Variants in VCL observed in about 807,000 individuals in gnomAD.
The protein encoded by VCL is epididymis luminal protein 114.
A neutral mutation model predicts 125.7 loss-of-function variants in VCL; 47 were observed. The observed-to-expected ratio is 0.37, with a 90% CI of 0.30 to 0.48. The LOEUF (loss-of-function observed/expected upper bound fraction) is 0.48, where lower values mean the gene tolerates loss of function less well. Ranked by LOEUF, VCL falls within the 20% of genes least tolerant of loss-of-function variation. The probability of loss-of-function intolerance (pLI) is 0.99; values close to 1 mark genes in which losing one functional copy is unlikely to be tolerated. For missense variants in VCL, 1,069 were observed against 1,455.5 expected (o/e 0.73, Z 4.32); for synonymous variants, 458 against 514.6 (o/e 0.89, Z 1.49).
intron 2 of VCL, 52 bp from the exon 3 acceptor site, chr10:74,070,618 G>T (rs1841648672): frequency 6.2e-7 from 1 of 1,611,086 alleles, no homozygotes; most frequent in Non-Finnish European, 8.5e-7. Flanking sequence ...TTTGCATATG[G>T]TATTCTTCTG....
At chr10:74,032,254 A>G (rs1001959354) in intron 1 of VCL, among the ~76,000 whole-genome samples, 11 of 150,782 alleles carry the variant, frequency 7.3e-5, no homozygotes, top group Non-Finnish European at 1.0e-4. Context: ...AAAAAAAAAA[A>G]AAAAAAGAAA....
Position 74,105,315 on chromosome 10 carries a change from T to C in VCL, c.2396T>C (p.Met799Thr), listed in dbSNP as rs775881749. 1.9e-6 allele frequency: 3 copies of C among 1,612,696 alleles called. No homozygotes were observed. Among genetic ancestry groups the C allele is most frequent in the East Asian group, 2.2e-5 (1 of 44,882 alleles). Reference protein sequence around the residue: ...ELSKTISPMVMDAKAVAGNIS... With the variant: ...ELSKTISPMVTDAKAVAGNIS... The stretch of plus-strand genomic sequence containing the variant: ...AGCAAAACCATCTCCCCGATGGTGA[T>C]GGATGCAAAAGCTGTGGCTGGAAAC... Residue 799 changes from methionine (M) to threonine (T), a missense_variant, in exon 16 of 22, where the codon ATG becomes ACG. Met to Thr is a moderately conservative substitution (Grantham distance 81, BLOSUM62 -1). Around this residue, in one of 6 missense-constraint regions of VCL, gnomAD observed 760 missense variants for 928.9 expected, o/e 0.82. Transcript: ENST00000211998.
rs886047225 is a variant in VCL, at chr10:74,119,572, C to T, written c.*1403C>T. On this transcript the variant is annotated 3_prime_UTR_variant, in exon 22 of 22. Coordinates refer to ENST00000211998, the MANE Select transcript of VCL (RefSeq NM_014000.3). ...GTTTCCTTTTTGGTACTTATTACTG[C>T]TAAGTATTTCCCAGCACATGAAACC... 2.0e-5 allele frequency: 3 copies of T among 152,196 alleles called. No individual in the cohort carries two copies. The highest frequency in any genetic ancestry group is 2.9e-5 in the Non-Finnish European group (2 of 68,026). 9.4% of individuals were successfully genotyped at this position (152,196 alleles called of 1,614,324 possible).
chr10:74,051,361 C>G (rs1230033018), intron 2 of VCL, among the ~76,000 whole-genome samples: 1 of 152,066 alleles, frequency 6.6e-6, no homozygotes, highest in Non-Finnish European at 1.5e-5. Context: ...CTCAGCTTCC[C>G]GAGTAGCTGG....
chr10:74,118,401 T>G lies in VCL; in HGVS notation c.*232T>G. 1 of 577,500 alleles carries G rather than the reference T, an allele frequency of 1.7e-6. No individual in the cohort carries two copies. Among genetic ancestry groups the G allele is most frequent in the Non-Finnish European group, 3.1e-6 (1 of 324,574 alleles). The allele number at this position is 577,500 out of a possible 1,614,324, so 35.8% of individuals were successfully genotyped here. On this transcript the variant is annotated 3_prime_UTR_variant, in exon 22 of 22. Coordinates refer to ENST00000211998, the MANE Select transcript of VCL (RefSeq NM_014000.3). Reference sequence around the variant, plus strand: ...GTATTCTCAAACACAGTTACACTTGTGCACCCTCTATCCCAATAGGCAGAC... The same window carrying G: ...GTATTCTCAAACACAGTTACACTTGGGCACCCTCTATCCCAATAGGCAGAC...
intron 1 of VCL, among the ~76,000 whole-genome samples, chr10:74,023,571 C>G (rs953649885): frequency 6.6e-6 from 1 of 152,174 alleles, no homozygotes; most frequent in Non-Finnish European, 1.5e-5. Context: ...TTTTGCCTAA[C>G]TGGGAATAAG....
At chr10:74,113,539 A>G (rs1840263544) in intron 19 of VCL, among the ~76,000 whole-genome samples, 2 of 152,092 alleles carry the variant, frequency 1.3e-5, no homozygotes, top group Non-Finnish European at 2.9e-5. Flanking sequence ...AATAAGAGGC[A>G]GTAGAGGGAT....
At position 74,118,041 on chromosome 10, in the gene VCL, C is replaced by T; in HGVS notation, c.3277C>T (p.His1093Tyr). 6.2e-7 allele frequency: 1 copy of T among 1,614,144 alleles called. No homozygotes were observed. Among genetic ancestry groups the T allele is most frequent in the South Asian group, 1.1e-5 (1 of 91,076 alleles). Reference sequence around the variant, plus strand: ...CTTGCAGGCCACAGAGATGCTGGTTCACAATGCCCAGAACCTCATGCAGTC... The same window carrying T: ...CTTGCAGGCCACAGAGATGCTGGTTTACAATGCCCAGAACCTCATGCAGTC... The part of the protein sequence containing the change: ...ESEQATEMLV[H>Y]NAQNLMQSVK... Residue 1093 changes from histidine (H) to tyrosine (Y), a missense_variant, in exon 22 of 22, where the codon CAC becomes TAC. His to Tyr is a moderately conservative substitution (Grantham distance 83, BLOSUM62 2). Transcript: ENST00000211998.
intron 2 of VCL, among the ~76,000 whole-genome samples, chr10:74,062,367 ATTTTTTT>A (rs34306365): frequency 2.0e-4 from 23 of 113,946 alleles, no homozygotes; most frequent in Admixed American, 1.4e-3. Context: ...GCCTGGCCTG[ATTTTTTT>A]TTTTTTTTTT....
At chr10:73,999,438 TCC>T (rs1840184080) in intron 1 of VCL, among the ~76,000 whole-genome samples, 1 of 152,148 alleles carries the variant, frequency 6.6e-6, no homozygotes, top group Admixed American at 6.5e-5. Flanking sequence ...CTCCCAAGAC[TCC>T]CCTGGCTAAT....
chr10:74,084,353 G>T (rs1839733359), intron 8 of VCL, among the ~76,000 whole-genome samples: 1 of 151,952 alleles, frequency 6.6e-6, no homozygotes, highest in Non-Finnish European at 1.5e-5. Flanking sequence ...ATGCAGTGGT[G>T]CAATCTCGGC....
At chr10:74,067,579 G>A (rs1841592676) in intron 2 of VCL, among the ~76,000 whole-genome samples, 1 of 152,152 alleles carries the variant, frequency 6.6e-6, no homozygotes, top group Non-Finnish European at 1.5e-5. Flanking sequence ...ATTGCTAAAA[G>A]GTGTAGACAG....
chr10:74,086,989 T>A (rs1839789276), intron 8 of VCL, among the ~76,000 whole-genome samples: 1 of 152,200 alleles, frequency 6.6e-6, no homozygotes, highest in Non-Finnish European at 1.5e-5. Flanking sequence ...ATAAATAGTT[T>A]TACTTTTTCA....
At position 74,115,704 on chromosome 10, in the gene VCL, T is replaced by A. The variant is rs561835683; in HGVS notation, c.3258+805T>A. On this transcript the variant is annotated intron_variant, in intron 21 of 21. Transcript: ENST00000211998. ...GAATAGTGCAGGCTTTTCCGGGGCA[T>A]GAGGTAGTTAGGCCTGTGCTGAAAC... Among the ~76,000 whole-genome samples, 3 of 152,184 alleles carry A rather than the reference T, an allele frequency of 2.0e-5. No individual in the cohort carries two copies. In the East Asian group the frequency reaches 5.8e-4, roughly 29 times the overall value.
intron 1 of VCL, among the ~76,000 whole-genome samples, chr10:74,023,898 CTCT>C (rs1840720899): frequency 1.3e-5 from 2 of 152,118 alleles, no homozygotes; most frequent in African/African-American, 2.4e-5. Context: ...TGTAGCTGTT[CTCT>C]TCTTTCACTT....
chr10:74,078,824 A>T (rs182484788), intron 6 of VCL, among the ~76,000 whole-genome samples: 1 of 152,162 alleles, frequency 6.6e-6, no homozygotes, highest in Admixed American at 6.5e-5. Flanking sequence ...AACCAGAAAC[A>T]TCTGGTTTAA....
At chr10:74,068,478 C>T (rs905830073) in intron 2 of VCL, among the ~76,000 whole-genome samples, 8 of 152,132 alleles carry the variant, frequency 5.3e-5, no homozygotes, top group African/African-American at 1.9e-4. Flanking sequence ...GCCCCTGCCA[C>T]CATGCCTGGC....
chr10:74,094,090 A>G (rs1295322369), intron 10 of VCL, among the ~76,000 whole-genome samples, 181 bp from the exon 11 acceptor site: 1 of 152,258 alleles, frequency 6.6e-6, no homozygotes, highest in Non-Finnish European at 1.5e-5. Context: ...GGACAAAATA[A>G]TCTGAATGTA....
chr10:74,043,149 A>C lies in VCL; in HGVS notation c.235A>C (p.Ile79Leu). The C allele has an allele frequency of 6.2e-7, 1 of 1,612,740 alleles. No homozygotes were observed. Residue 79 changes from isoleucine (I) to leucine (L), a missense_variant, in exon 2 of 22, where the codon ATT (isoleucine) becomes CTT (leucine). Coordinates refer to ENST00000211998, the MANE Select transcript of VCL (RefSeq NM_014000.3). The stretch of plus-strand genomic sequence containing the variant: ...GAAGAGAGATATGCCACCAGCATTT[A>C]TTAAGTGAGTAATTGAAATATTCTT... ...ILKRDMPPAF[I>L]KVENACTKLV...
Sources: allele counts gnomAD v4.1 joint callset (sites outside exome capture counted in the v4.1 genomes callset), GRCh38; gene constraint gnomAD v4.1.1; regional missense constraint gnomAD v4.1.1; transcripts MANE v1.5; gene names NCBI Gene and HGNC (gene_info 2026-07-23, HGNC 2026-07-21).